Variants in ROBO2 observed in about 807,000 individuals in gnomAD.
ROBO2 encodes the protein roundabout homolog 2.
Under a neutral mutation model 160.8 loss-of-function variants are expected in ROBO2, and 53 were observed. The observed-to-expected ratio is 0.33, with a 90% CI of 0.26 to 0.41. The LOEUF (loss-of-function observed/expected upper bound fraction) is 0.41, where lower values mean the gene tolerates loss of function less well. ROBO2 is among the 10% of genes least tolerant of loss of function. ROBO2 has a pLI of 1.00. For synonymous variants in ROBO2, 664 were observed against 611.7 expected, an observed-to-expected ratio of 1.09 and a Z score of -1.26; for missense variants, 1,577 against 1,722.4, an observed-to-expected ratio of 0.92 and a Z score of 1.49.
At chr3:77,607,124 C>A (rs1021545404) in intron 20 of ROBO2, among the ~76,000 whole-genome samples, 2 of 152,096 alleles carry the variant, frequency 1.3e-5, no homozygotes, top group Non-Finnish European at 2.9e-5. Context: ...TATTAGAATG[C>A]CACTGAAACT....
chr3:76,791,796 A>T (rs1004374917), intron 2 of ROBO2, among the ~76,000 whole-genome samples: 6 of 151,710 alleles, frequency 4.0e-5, no homozygotes, highest in African/African-American at 1.5e-4. Flanking sequence ...GATTCAACCA[A>T]CCATGGATTG....
chr3:76,977,110 C>G (rs1195831518), intron 2 of ROBO2, among the ~76,000 whole-genome samples: 1 of 152,082 alleles, frequency 6.6e-6, no homozygotes, highest in African/African-American at 2.4e-5. Flanking sequence ...GAAAGGAAAG[C>G]AAGAAGTACA....
chr3:77,626,666 A>G (rs1041385810), intron 23 of ROBO2, among the ~76,000 whole-genome samples: 9 of 152,180 alleles, frequency 5.9e-5, no homozygotes, highest in Non-Finnish European at 8.8e-5. Flanking sequence ...AGGAAAAAAG[A>G]AACAGAAGGC....
chr3:76,235,051 C>G (rs1188736742), intron 2 of ROBO2, among the ~76,000 whole-genome samples: 1 of 152,018 alleles, frequency 6.6e-6, no homozygotes, highest in Non-Finnish European at 1.5e-5. Context: ...CTTAGAAGGA[C>G]GTGAATTTTG....
chr3:76,507,043 T>G (rs1416587560), intron 2 of ROBO2, among the ~76,000 whole-genome samples: 2 of 152,180 alleles, frequency 1.3e-5, no homozygotes, highest in African/African-American at 4.8e-5. Flanking sequence ...TGTAACAATT[T>G]AATAATGTTG....
chr3:77,387,885 C>T (rs2074299385), intron 2 of ROBO2, among the ~76,000 whole-genome samples: 1 of 152,100 alleles, frequency 6.6e-6, no homozygotes, highest in African/African-American at 2.4e-5. Context: ...CTTCATTCAC[C>T]TCCATCCTGC....
rs986189087 is a variant in ROBO2, at chr3:76,141,436, A to G, written c.109+203834A>G. Among the ~76,000 whole-genome samples the G allele has an allele frequency of 2.0e-5, 3 of 151,040 alleles. 1 individual carries two copies. Among genetic ancestry groups the G allele is most frequent in the African/African-American group, 7.3e-5 (3 of 41,020 alleles). On this transcript the variant is annotated intron_variant, in intron 2 of 26. Coordinates refer to the ROBO2 transcript ENST00000487694. ...AAACCTGCAGATGTACCCACCGAAT[A>G]TAATTTTTTAATGAAAAGTTTAAAA...
intron 16 of ROBO2, among the ~76,000 whole-genome samples, chr3:77,581,943 A>T (rs2093929366): frequency 6.6e-6 from 1 of 151,910 alleles, no homozygotes; most frequent in African/African-American, 2.4e-5. Context: ...ATGTTTTAAG[A>T]TTATTATATC....
intron 2 of ROBO2, among the ~76,000 whole-genome samples, chr3:76,453,770 C>T (rs1317401745): frequency 1.3e-5 from 2 of 152,044 alleles, no homozygotes; most frequent in Admixed American, 6.6e-5. Context: ...CCCTAAGTAT[C>T]CTCTAAAAAA....
intron 2 of ROBO2, among the ~76,000 whole-genome samples, chr3:76,124,790 A>G (rs1245100626): frequency 6.6e-6 from 1 of 152,164 alleles, no homozygotes; most frequent in Non-Finnish European, 1.5e-5. Context: ...GAATTTTTGA[A>G]GTAACTATTT....
At chr3:77,258,622 TAAAA>T (rs11451740) in intron 2 of ROBO2, among the ~76,000 whole-genome samples, 1 of 119,782 alleles carries the variant, frequency 8.3e-6, no homozygotes, top group Non-Finnish European at 1.9e-5. Context: ...GACTTTGTCT[TAAAA>T]AAAAAAAAAA....
chr3:76,717,539 G>T (rs1323590863), intron 2 of ROBO2, among the ~76,000 whole-genome samples: 9 of 151,784 alleles, frequency 5.9e-5, no homozygotes. Flanking sequence ...CAACCTAACA[G>T]AGTTGTGGAG....
chr3:76,119,964 TCCTTC>T (rs1425356495), intron 2 of ROBO2, among the ~76,000 whole-genome samples: 5 of 132,146 alleles, frequency 3.8e-5, no homozygotes, highest in Non-Finnish European at 6.5e-5. Context: ...CTTCCTTCCT[TCCTTC>T]CTTCCTCTCT....
intron 2 of ROBO2, among the ~76,000 whole-genome samples, chr3:76,069,969 T>TC (rs1035128583): frequency 2.0e-5 from 3 of 152,178 alleles, no homozygotes; most frequent in Non-Finnish European, 1.5e-5. Context: ...ACTTATCACT[T>TC]CCCCAATCAA....
At chr3:77,126,810 A>G (rs566959415) in intron 2 of ROBO2, among the ~76,000 whole-genome samples, 31 of 96,726 alleles carry the variant, frequency 3.2e-4, no homozygotes, top group African/African-American at 1.2e-3. Context: ...TTTTTTTGAG[A>G]TGGAGTCGCA....
chr3:77,645,944 T>G, intron 25 of ROBO2, 110 bp from the exon 28 acceptor site: 1 of 698,306 alleles, frequency 1.4e-6, no homozygotes, highest in Non-Finnish European at 2.4e-6. Flanking sequence ...CTCATCTATC[T>G]GAAGACCTTA....
intron 2 of ROBO2, among the ~76,000 whole-genome samples, chr3:77,394,531 A>G (rs1015668812): frequency 1.1e-4 from 16 of 152,310 alleles, no homozygotes; most frequent in African/African-American, 3.8e-4. Flanking sequence ...TTTTGTGCTC[A>G]GATGAGTTTT....
At chr3:76,841,597 T>G (rs1254969178) in intron 2 of ROBO2, among the ~76,000 whole-genome samples, 1 of 152,144 alleles carries the variant, frequency 6.6e-6, no homozygotes, top group African/African-American at 2.4e-5. Flanking sequence ...TTTCATTAGT[T>G]TTAAAACTGC....
At chr3:77,428,567 A>G (rs1195313096) in intron 2 of ROBO2, among the ~76,000 whole-genome samples, 1 of 150,904 alleles carries the variant, frequency 6.6e-6, no homozygotes, top group Non-Finnish European at 1.5e-5. Context: ...CTTGTTAGCC[A>G]GGATGGTCTC....
Sources: gnomAD v4.1 joint callset for allele counts (sites outside exome capture counted in the v4.1 genomes callset) on GRCh38, gnomAD v4.1.1 for gene constraint, MANE v1.5 for transcripts, NCBI Gene and HGNC (gene_info 2026-07-23, HGNC 2026-07-21) for gene names.